Variants in NKAIN3 observed in about 807,000 individuals in gnomAD.
The protein encoded by NKAIN3 is sodium/potassium-transporting ATPase subunit beta-1-interacting protein 3.
NKAIN3 carries 25 observed loss-of-function variants against 30.2 expected under a neutral mutation model. The ratio of observed to expected loss-of-function variants is 0.83; its 90% CI spans 0.60 to 1.16. The LOEUF (loss-of-function observed/expected upper bound fraction) is 1.16. Ranked by LOEUF, NKAIN3 falls within the 50% of genes most tolerant of loss-of-function variation. The pLI, the probability that NKAIN3 is intolerant of heterozygous loss-of-function variation, is 0.00. For missense variants in NKAIN3, 225 were observed against 254.1 expected, an observed-to-expected ratio of 0.89 and a Z score of 0.78; for synonymous variants, 91 against 89.6, an observed-to-expected ratio of 1.02 and a Z score of -0.09.
intron 1 of NKAIN3, among the ~76,000 whole-genome samples, chr8:62,512,084 A>G (rs74597093): frequency 0.031 from 4,741 of 152,232 alleles, 282 homozygotes; most frequent in African/African-American, 0.11. Flanking sequence ...GCTTTTAGCA[A>G]AATGAACTTT....
intron 3 of NKAIN3, among the ~76,000 whole-genome samples, chr8:62,600,626 C>T (rs905543267): frequency 2.0e-5 from 3 of 152,056 alleles, no homozygotes; most frequent in Non-Finnish European, 4.4e-5. Context: ...GGAAAACCCA[C>T]CTGCATTTGT....
At chr8:62,870,687 C>CTATATATCTATATATCTATA (rs1563604393) in intron 4 of NKAIN3, among the ~76,000 whole-genome samples, 2 of 118,516 alleles carry the variant, frequency 1.7e-5, no homozygotes, top group Non-Finnish European at 3.3e-5. Context: ...ATATCTATAT[C>CTATATATCTATATATCTATA]TCTCTATCTA....
At chr8:62,406,262 C>G (rs543231568) in intron 1 of NKAIN3, among the ~76,000 whole-genome samples, 1 of 152,140 alleles carries the variant, frequency 6.6e-6, no homozygotes, top group Admixed American at 6.6e-5. Flanking sequence ...ATTGCTTATG[C>G]TTTCAATGTC....
At position 62,339,295 on chromosome 8, in the gene NKAIN3, G is replaced by A. The variant is rs140188494; in HGVS notation, c.54+90168G>A. Among the ~76,000 whole-genome samples, 66 of 151,072 alleles carry A rather than the reference G, an allele frequency of 4.4e-4. 1 individual carries two copies. The East Asian group carries it at 0.01, about 23-fold the overall frequency. ...AGGGCCTACTAGGCCATAGTAAGGCGTTTAGAGTTTCTTTCCTTAGCCAGA... is the reference window on the plus strand; with the variant it reads ...AGGGCCTACTAGGCCATAGTAAGGCATTTAGAGTTTCTTTCCTTAGCCAGA... On this transcript the variant is annotated intron_variant, in intron 1 of 6. Coordinates refer to ENST00000623646, the MANE Select transcript of NKAIN3 (RefSeq NM_001304533.3).
At chr8:62,917,936 G>A (rs572949369) in intron 4 of NKAIN3, among the ~76,000 whole-genome samples, 14 of 152,106 alleles carry the variant, frequency 9.2e-5, no homozygotes, top group Non-Finnish European at 1.8e-4. Context: ...GCAAGTTAAC[G>A]TGTTTTCTTG....
At chr8:62,431,138 G>T (rs1164563731) in intron 1 of NKAIN3, among the ~76,000 whole-genome samples, 1 of 151,724 alleles carries the variant, frequency 6.6e-6, no homozygotes, top group Non-Finnish European at 1.5e-5. Flanking sequence ...CTTTTATTAG[G>T]TAAATGATTT....
At chr8:62,668,644 A>T (rs1296686088) in intron 3 of NKAIN3, among the ~76,000 whole-genome samples, 1 of 152,152 alleles carries the variant, frequency 6.6e-6, no homozygotes, top group Non-Finnish European at 1.5e-5. Flanking sequence ...TTAACACCAC[A>T]TCACCCTGAC....
intron 6 of NKAIN3, among the ~76,000 whole-genome samples, chr8:62,962,854 G>T (rs1823608916): frequency 6.6e-6 from 1 of 152,134 alleles, no homozygotes; most frequent in Non-Finnish European, 1.5e-5. Flanking sequence ...AGTGATGAAT[G>T]CGTAGAGATT....
chr8:62,432,532 A>G (rs1480702087), intron 1 of NKAIN3, among the ~76,000 whole-genome samples: 1 of 152,058 alleles, frequency 6.6e-6, no homozygotes, highest in Non-Finnish European at 1.5e-5. Flanking sequence ...CAAAAACTGT[A>G]CAATAGCATG....
chr8:62,568,872 C>T (rs1342089663), intron 1 of NKAIN3, among the ~76,000 whole-genome samples: 1 of 152,044 alleles, frequency 6.6e-6, no homozygotes, highest in Non-Finnish European at 1.5e-5. Context: ...ACAATTTTTT[C>T]ACCTAGAAGA....
At chr8:62,824,491 A>AACACACAC (rs6150612) in intron 4 of NKAIN3, among the ~76,000 whole-genome samples, 30 of 148,724 alleles carry the variant, frequency 2.0e-4, no homozygotes, top group African/African-American at 6.7e-4. Context: ...CCACCTCTTC[A>AACACACAC]ACACACACAC....
intron 4 of NKAIN3, among the ~76,000 whole-genome samples, chr8:62,893,977 AC>A (rs1433715326): frequency 1.3e-5 from 2 of 152,204 alleles, no homozygotes; most frequent in African/African-American, 2.4e-5. Flanking sequence ...CTCCCAGGAT[AC>A]CGGACATAAA....
At chr8:62,603,976 C>T (rs972473812) in intron 3 of NKAIN3, among the ~76,000 whole-genome samples, 12 of 152,066 alleles carry the variant, frequency 7.9e-5, no homozygotes, top group Admixed American at 2.0e-4. Flanking sequence ...TGCAGAAACC[C>T]TTGTAACAAG....
At chr8:62,818,943 A>C (rs1365056829) in intron 4 of NKAIN3, among the ~76,000 whole-genome samples, 1 of 151,980 alleles carries the variant, frequency 6.6e-6, no homozygotes, top group African/African-American at 2.4e-5. Flanking sequence ...AAGATACTTA[A>C]GAAGGAAATC....
In NKAIN3 at chr8:62,966,371, G is replaced by T; in HGVS notation, c.*964G>T. The stretch of plus-strand genomic sequence containing the variant: ...TCCCAATAACCAAGAAAATGATATG[G>T]GAAGCAATTATCTGTGGAAAAAAGG... On this transcript the variant is annotated 3_prime_UTR_variant, in exon 7 of 7. Coordinates refer to ENST00000623646, the MANE Select transcript of NKAIN3 (RefSeq NM_001304533.3). 4 of 985,156 alleles carry T rather than the reference G, an allele frequency of 4.1e-6. No individual in the cohort carries two copies. The highest frequency in any genetic ancestry group is 4.8e-6 in the Non-Finnish European group (4 of 829,762). The allele number at this position is 985,156 out of a possible 1,614,324, so 61.0% of individuals were successfully genotyped here.
At chr8:62,395,000 C>G (rs13281269) in intron 1 of NKAIN3, among the ~76,000 whole-genome samples, 65,662 of 144,212 alleles carry the variant, frequency 0.46, 16,167 homozygotes, top group Non-Finnish European at 0.55. Context: ...CGGACAGAGG[C>G]GCTCATCACT....
chr8:62,869,667 G>T (rs1384012019), intron 4 of NKAIN3, among the ~76,000 whole-genome samples: 1 of 152,188 alleles, frequency 6.6e-6, no homozygotes, highest in Non-Finnish European at 1.5e-5. Flanking sequence ...ACTTGCACCA[G>T]CAACCCCTTG....
At chr8:62,628,249 C>A (rs1182958561) in intron 3 of NKAIN3, among the ~76,000 whole-genome samples, 1 of 152,120 alleles carries the variant, frequency 6.6e-6, no homozygotes. Context: ...CACATCCAAG[C>A]TTATGTCAGT....
intron 6 of NKAIN3, among the ~76,000 whole-genome samples, chr8:62,957,600 G>GAAAT (rs1384138734): frequency 6.6e-6 from 1 of 152,174 alleles, no homozygotes; most frequent in East Asian, 1.9e-4. Context: ...TGCATGTTAT[G>GAAAT]AAATGAAGGA....
Sources: allele counts gnomAD v4.1 joint callset (sites outside exome capture counted in the v4.1 genomes callset), GRCh38; gene constraint gnomAD v4.1.1; transcripts MANE v1.5; gene names NCBI Gene and HGNC (gene_info 2026-07-23, HGNC 2026-07-21).